The following LMX1A variants were observed in gnomAD, a reference collection of about 807,000 sequenced individuals.
LMX1A encodes LIM homeobox transcription factor 1-alpha.
In LMX1A, 15 loss-of-function variants were observed where a neutral mutation model predicts 49.1. The ratio of observed to expected loss-of-function variants is 0.31; its 90% CI spans 0.20 to 0.47. The LOEUF (loss-of-function observed/expected upper bound fraction) is 0.47. LMX1A is among the 20% of genes least tolerant of loss of function. LMX1A has a pLI of 1.00. For synonymous variants in LMX1A, 167 were observed against 185.7 expected (o/e 0.90, Z 0.82); for missense variants, 372 against 475.8 (o/e 0.78, Z 2.03).
At chr1:165,264,684 C>T (rs956077601) in intron 3 of LMX1A, among the ~76,000 whole-genome samples, 3 of 152,102 alleles carry the variant, frequency 2.0e-5, no homozygotes, top group East Asian at 1.9e-4. Context: ...AGGCCTAGTG[C>T]GGTGGCTCAT....
At chr1:165,339,604 A>G (rs1307788987) in intron 3 of LMX1A, among the ~76,000 whole-genome samples, 1 of 152,226 alleles carries the variant, frequency 6.6e-6, no homozygotes, top group African/African-American at 2.4e-5. Flanking sequence ...ACGCATTGGC[A>G]AAGCAGCTCT....
chr1:165,256,949 G>C (rs894268343), intron 3 of LMX1A, among the ~76,000 whole-genome samples: 10 of 151,684 alleles, frequency 6.6e-5, no homozygotes, highest in African/African-American at 2.4e-4. Flanking sequence ...GGATTTCAGT[G>C]CCTGTTGTGT....
intron 3 of LMX1A, among the ~76,000 whole-genome samples, chr1:165,264,160 G>T (rs563191656): frequency 2.6e-5 from 4 of 152,070 alleles, no homozygotes; most frequent in African/African-American, 9.6e-5. Flanking sequence ...AAAAAAACAG[G>T]AGGAATGGTG....
intron 3 of LMX1A, among the ~76,000 whole-genome samples, chr1:165,298,307 G>A (rs1002207034): frequency 6.6e-6 from 1 of 152,314 alleles, no homozygotes; most frequent in Admixed American, 6.5e-5. Flanking sequence ...TGACTCTGGG[G>A]GCTCAAGAGC....
intron 4 of LMX1A, among the ~76,000 whole-genome samples, chr1:165,220,849 C>G (rs1026179903): frequency 1.3e-5 from 2 of 152,146 alleles, no homozygotes; most frequent in African/African-American, 4.8e-5. Flanking sequence ...GACCTGGATC[C>G]TAGTTCTAAT....
Position 165,245,223 on chromosome 1 carries a change from T to C in LMX1A, c.496+4185A>G, listed in dbSNP as rs531476198. On this transcript the variant is annotated intron_variant, in intron 4 of 8. Coordinates refer to ENST00000342310, the MANE Select transcript of LMX1A (RefSeq NM_177398.4). ...GGTAATGAGCACAGTACCCAAGAGT[T>C]AGTTTTTCAACCTTTGCCCCCCGCT... Among the ~76,000 whole-genome samples, 155 of 152,220 alleles carry C rather than the reference T, an allele frequency of 1.0e-3. 1 individual carries two copies. Among genetic ancestry groups the C allele is most frequent in the Non-Finnish European group, 1.8e-3 (125 of 68,024 alleles).
rs16842099 is a variant in LMX1A at position 165,289,221 on chromosome 1, G to A, written c.264-39581C>T. ...CAAAGTCACTGAAATGTGTGCTCAA[G>A]TGCTTTTCTCTGATTATTGATAAAA... is the stretch of plus-strand genomic sequence containing the variant. On this transcript the variant is annotated intron_variant, in intron 3 of 8. Coordinates refer to ENST00000342310, the MANE Select transcript of LMX1A (RefSeq NM_177398.4). Among the ~76,000 whole-genome samples, 4 of 139,198 alleles carry A rather than the reference G, an allele frequency of 2.9e-5. No homozygotes were observed. In the South Asian group the frequency reaches 1.0e-3, roughly 35 times the overall value. The allele number at this position is 139,198 out of a possible 152,430, so 91.3% of individuals were successfully genotyped here.
At chr1:165,317,573 T>G (rs924926751) in intron 3 of LMX1A, among the ~76,000 whole-genome samples, 2 of 152,234 alleles carry the variant, frequency 1.3e-5, no homozygotes, top group African/African-American at 4.8e-5. Context: ...TGGGAACCAC[T>G]GGGACACAGG....
At chr1:165,350,107 A>T (rs1158271104) in intron 3 of LMX1A, among the ~76,000 whole-genome samples, 1 of 144,316 alleles carries the variant, frequency 6.9e-6, no homozygotes. Flanking sequence ...TTGTCCTACC[A>T]CTTAACTTTC....
intron 3 of LMX1A, among the ~76,000 whole-genome samples, chr1:165,262,096 T>A (rs1653457974): frequency 6.6e-6 from 1 of 152,184 alleles, no homozygotes; most frequent in African/African-American, 2.4e-5. Context: ...GACACAATCA[T>A]CATTTATGCT....
At chr1:165,274,308 T>C (rs1653899607) in intron 3 of LMX1A, among the ~76,000 whole-genome samples, 1 of 152,238 alleles carries the variant, frequency 6.6e-6, no homozygotes, top group Non-Finnish European at 1.5e-5. Context: ...TGGTTTATGT[T>C]ATAATATTTA....
chr1:165,309,870 G>GA (rs956410438), intron 3 of LMX1A, among the ~76,000 whole-genome samples: 14 of 151,890 alleles, frequency 9.2e-5, no homozygotes, highest in Admixed American at 3.3e-4. Context: ...GCCTTCACGA[G>GA]AAAAAAAATG....
At chr1:165,229,407 A>T (rs1652161962) in intron 4 of LMX1A, among the ~76,000 whole-genome samples, 1 of 152,014 alleles carries the variant, frequency 6.6e-6, no homozygotes, top group South Asian at 2.1e-4. Flanking sequence ...ATTAGTCCCA[A>T]CTCCTTCACG....
At chr1:165,279,875 G>A (rs972207376) in intron 3 of LMX1A, among the ~76,000 whole-genome samples, 5 of 151,798 alleles carry the variant, frequency 3.3e-5, no homozygotes, top group African/African-American at 7.3e-5. Context: ...TTTCCATCTC[G>A]TGGTCCCCCT....
chr1:165,309,150 T>G (rs1373453679), intron 3 of LMX1A, among the ~76,000 whole-genome samples: 1 of 150,988 alleles, frequency 6.6e-6, no homozygotes, highest in Admixed American at 6.6e-5. Flanking sequence ...CGAGATACCC[T>G]GACAGAGTGA....
intron 3 of LMX1A, among the ~76,000 whole-genome samples, chr1:165,322,752 C>A (rs1220819743): frequency 1.3e-5 from 2 of 152,018 alleles, no homozygotes; most frequent in African/African-American, 4.8e-5. Flanking sequence ...AATGGTTGCA[C>A]AAAATTGTGA....
At chr1:165,331,139 G>A (rs1198671779) in intron 3 of LMX1A, among the ~76,000 whole-genome samples, 1 of 152,178 alleles carries the variant, frequency 6.6e-6, no homozygotes, top group Non-Finnish European at 1.5e-5. Flanking sequence ...CAAGAGGAAG[G>A]ATGATCAACA....
chr1:165,299,628 A>G (rs770875783), intron 3 of LMX1A, among the ~76,000 whole-genome samples: 2 of 152,210 alleles, frequency 1.3e-5, no homozygotes, highest in Non-Finnish European at 2.9e-5. Context: ...CCTTAAACCC[A>G]GTTTATACTG....
At chr1:165,329,873 ATTGT>A (rs1276449563) in intron 3 of LMX1A, among the ~76,000 whole-genome samples, 2 of 152,224 alleles carry the variant, frequency 1.3e-5, no homozygotes, top group Non-Finnish European at 2.9e-5. Context: ...AGACTGACAC[ATTGT>A]TTGAGTATGT....
Sources: allele counts gnomAD v4.1 joint callset (sites outside exome capture counted in the v4.1 genomes callset), GRCh38; gene constraint gnomAD v4.1.1; transcripts MANE v1.5; gene names NCBI Gene and HGNC (gene_info 2026-07-23, HGNC 2026-07-21).